MEGF10: variants seen among roughly 807,000 people sequenced by gnomAD.
MEGF10 encodes the protein multiple epidermal growth factor-like domains protein 10.
In MEGF10, 86 loss-of-function variants were observed where a neutral mutation model predicts 147.5. The observed-to-expected ratio is 0.58, with a 90% CI of 0.49 to 0.70. The LOEUF is 0.70. MEGF10 is among the 30% of genes least tolerant of loss of function. MEGF10 has a pLI of 0.00. For missense variants in MEGF10, 1,329 were observed against 1,487.3 expected, an observed-to-expected ratio of 0.89 and a Z score of 1.75; for synonymous variants, 478 against 525.5, an observed-to-expected ratio of 0.91 and a Z score of 1.24.
chr5:127,236,651 T>C, the MEGF10 span, among the ~76,000 whole-genome samples: 3 of 152,204 alleles, frequency 2.0e-5, no homozygotes, highest in Non-Finnish European at 4.4e-5. Context: ...AAATGCTTTC[T>C]GAGATATCCT....
At chr5:127,456,341 T>A (rs1054130686) in intron 24 of MEGF10, among the ~76,000 whole-genome samples, 1 of 152,208 alleles carries the variant, frequency 6.6e-6, no homozygotes, top group Non-Finnish European at 1.5e-5. Flanking sequence ...TTATTTTGAT[T>A]GTCTTTTGCA....
chr5:127,240,634 T>A, the MEGF10 span, among the ~76,000 whole-genome samples: 2 of 152,156 alleles, frequency 1.3e-5, no homozygotes, highest in Non-Finnish European at 2.9e-5. Context: ...CCTTGAAAAA[T>A]TGGTTAAGTC....
At chr5:127,308,935 A>T (rs1760135604) in intron 1 of MEGF10, among the ~76,000 whole-genome samples, 1 of 152,198 alleles carries the variant, frequency 6.6e-6, no homozygotes, top group Non-Finnish European at 1.5e-5. Context: ...AGAAAGTTAA[A>T]TTGCTCTATT....
At chr5:127,241,900 C>T in the MEGF10 span, among the ~76,000 whole-genome samples, 1 of 151,942 alleles carries the variant, frequency 6.6e-6, no homozygotes, top group African/African-American at 2.4e-5. Context: ...TCTTGAGCAC[C>T]CTCTGGAGAC....
the MEGF10 span, among the ~76,000 whole-genome samples, chr5:127,273,782 G>A: frequency 6.6e-6 from 1 of 152,116 alleles, no homozygotes; most frequent in Non-Finnish European, 1.5e-5. Context: ...ATATTTGGAA[G>A]GCCAAAGAAC....
Position 127,447,561 on chromosome 5 carries a change from C to A in MEGF10, c.2733C>A (p.Thr911=), listed in dbSNP as rs200598050. The A allele has an allele frequency of 1.2e-6, 2 of 1,614,092 alleles. No homozygotes were observed. Among genetic ancestry groups the A allele is most frequent in the Admixed American group, 1.7e-5 (1 of 60,012 alleles). The change falls in exon 21 of 25, where the codon ACC becomes ACA. Residue 911 remains threonine (T), a synonymous_variant. Coordinates refer to ENST00000503335, the MANE Select transcript of MEGF10 (RefSeq NM_001256545.2). The stretch of plus-strand genomic sequence containing the variant: ...CATTTCCTTCCCTTCTTGCAGGAAC[C>A]CTTCCTCACAGCAATGGTGGAAACG... ...VVNADYTISG[T]LPHSNGGNAN...
chr5:127,278,236 G>C, the MEGF10 span, among the ~76,000 whole-genome samples: 1 of 151,864 alleles, frequency 6.6e-6, no homozygotes, highest in East Asian at 1.9e-4. Context: ...TGGTATCCAG[G>C]ATATCAAGTC....
At chr5:127,372,839 G>A (rs1252642475) in intron 5 of MEGF10, among the ~76,000 whole-genome samples, 1 of 152,204 alleles carries the variant, frequency 6.6e-6, no homozygotes, top group Non-Finnish European at 1.5e-5. Flanking sequence ...TTAAGGTAGT[G>A]TGCTAGGCTT....
At chr5:127,337,246 A>G (rs965503058) in intron 2 of MEGF10, among the ~76,000 whole-genome samples, 2 of 152,220 alleles carry the variant, frequency 1.3e-5, no homozygotes, top group African/African-American at 4.8e-5. Context: ...CTACATTTCA[A>G]GGAAGATTGC....
chr5:127,310,614 C>T (rs1760248524), intron 1 of MEGF10, among the ~76,000 whole-genome samples: 1 of 151,968 alleles, frequency 6.6e-6, no homozygotes, highest in African/African-American at 2.4e-5. Flanking sequence ...GGAGAGTGGC[C>T]TTTTTATTAC....
intron 6 of MEGF10, 78 bp downstream of exon 6, chr5:127,396,856 T>C: frequency 6.4e-7 from 1 of 1,554,876 alleles, no homozygotes; most frequent in Non-Finnish European, 8.7e-7. Context: ...ATCATATTTC[T>C]TGTGCCTCAG....
chr5:127,405,837 TTTTC>T lies in MEGF10; in HGVS notation c.917+3159_917+3162del, dbSNP rs367868403. ...CTGCTTAATTTCATTAAATGCCTTTTTTTCTTTTGCTAATATAATTACATATTTT... is the reference window on the plus strand; with the variant it reads ...CTGCTTAATTTCATTAAATGCCTTTTTTTTGCTAATATAATTACATATTTT... On this transcript the variant is annotated intron_variant, in intron 8 of 24. Transcript: ENST00000503335. Among the ~76,000 whole-genome samples, 351 of 152,278 alleles carry T rather than the reference TTTTC, an allele frequency of 2.3e-3. 3 individuals are homozygous for T. The highest frequency in any genetic ancestry group is 0.01 in the Middle Eastern group (3 of 294).
At position 127,445,697 on chromosome 5, in the gene MEGF10, A is replaced by G. The variant is rs779296722; in HGVS notation, c.2728+4A>G. The G allele has an allele frequency of 6.2e-7, 1 of 1,607,558 alleles. No homozygotes were observed. The highest frequency in any genetic ancestry group is 8.5e-7 in the Non-Finnish European group (1 of 1,174,064). Reference sequence around the variant, plus strand: ...AATGCAGATTATACCATTTCAGGTAAGAGCAGAGGCAGGAGAGGCATTTTG... The same window carrying G: ...AATGCAGATTATACCATTTCAGGTAGGAGCAGAGGCAGGAGAGGCATTTTG... On this transcript the variant is annotated splice_donor_region_variant and intron_variant, in intron 20 of 24. Transcript: ENST00000503335.
chr5:127,457,620 C>T lies in MEGF10; in HGVS notation c.*302C>T, dbSNP rs984900545. ...TGAACTTGCAGAACTCCCTCGGAGA[C>T]GCAGGTTGCAGTGGACATTGGGATT... On this transcript the variant is annotated 3_prime_UTR_variant, in exon 25 of 25. Transcript: ENST00000503335. The T allele has an allele frequency of 3.0e-5, 10 of 329,676 alleles. No homozygotes were observed. The highest frequency in any genetic ancestry group is 5.7e-5 in the East Asian group (1 of 17,570). 20.4% of individuals were successfully genotyped at this position (329,676 alleles called of 1,614,324 possible).
chr5:127,316,160 C>T (rs1380825458), intron 1 of MEGF10, among the ~76,000 whole-genome samples: 1 of 152,218 alleles, frequency 6.6e-6, no homozygotes, highest in Non-Finnish European at 1.5e-5. Context: ...GCCTCCTTAT[C>T]TTGCTTTATT....
In MEGF10 at chr5:127,366,497, T is replaced by C. The variant is rs1762660300; in HGVS notation, c.320-3413T>C. ...ATTATTTGCCTTTAGGCATCAATGC[T>C]CAGAGGTGATTCCATTGGCTTTAGC... On this transcript the variant is annotated intron_variant, in intron 4 of 24. Coordinates refer to ENST00000503335, the MANE Select transcript of MEGF10 (RefSeq NM_001256545.2). Among the ~76,000 whole-genome samples, 3 of 152,218 alleles carry C rather than the reference T, an allele frequency of 2.0e-5. No homozygotes were observed. In the South Asian group the frequency reaches 6.2e-4, roughly 31 times the overall value.
intron 1 of MEGF10, among the ~76,000 whole-genome samples, chr5:127,315,498 G>A (rs568276203): frequency 2.0e-5 from 3 of 152,182 alleles, no homozygotes; most frequent in South Asian, 4.2e-4. Flanking sequence ...GAATCTTGCC[G>A]GGCGTGGTGG....
intron 4 of MEGF10, among the ~76,000 whole-genome samples, chr5:127,365,005 T>C (rs900236165): frequency 6.6e-6 from 1 of 152,202 alleles, no homozygotes; most frequent in Non-Finnish European, 1.5e-5. Flanking sequence ...GTAGGAATGA[T>C]GCTCAGTAAA....
the MEGF10 span, among the ~76,000 whole-genome samples, chr5:127,282,425 G>A: frequency 2.8e-4 from 42 of 152,240 alleles, 1 homozygote; most frequent in African/African-American, 6.5e-4. Context: ...TTGGATACAC[G>A]TTCAAATATG....
Sources: allele counts gnomAD v4.1 joint callset (sites outside exome capture counted in the v4.1 genomes callset), GRCh38; gene constraint gnomAD v4.1.1; transcripts MANE v1.5; gene names NCBI Gene and HGNC (gene_info 2026-07-23, HGNC 2026-07-21).